CASR: variants seen among roughly 807,000 people sequenced by gnomAD.
CASR encodes the protein calcium sensing receptor, also known as extracellular calcium-sensing receptor.
Under a neutral mutation model 69.1 loss-of-function variants are expected in CASR, and 23 were observed. The ratio of observed to expected loss-of-function variants is 0.33; its 90% confidence interval spans 0.24 to 0.47. CASR has a LOEUF of 0.47. Ranked by LOEUF, CASR falls within the 20% of genes least tolerant of loss-of-function variation. CASR has a pLI of 1.00. For missense variants in CASR, 924 were observed against 1,356.1 expected (o/e 0.68, Z 5.00); for synonymous variants, 541 against 544.7 (o/e 0.99, Z 0.10).
chr3:122,221,409 A>G (rs1292970446), intron 1 of CASR, among the ~76,000 whole-genome samples: 1 of 152,150 alleles, frequency 6.6e-6, no homozygotes, highest in African/African-American at 2.4e-5. Context: ...CCCATAGCAC[A>G]CCTTCACCTA....
intron 1 of CASR, among the ~76,000 whole-genome samples, chr3:122,196,512 TG>T (rs2073892658): frequency 6.6e-6 from 1 of 152,004 alleles, no homozygotes; most frequent in African/African-American, 2.4e-5. Context: ...TTTTGGTTTT[TG>T]GGGTTTTTTG....
chr3:122,192,850 T>G (rs927435473), intron 1 of CASR, among the ~76,000 whole-genome samples: 4 of 152,208 alleles, frequency 2.6e-5, no homozygotes, highest in Admixed American at 6.5e-5. Flanking sequence ...TCACCTCTTT[T>G]CTCTGCTCTT....
At position 122,291,345 on chromosome 3, in the gene CASR, A is replaced by G. The variant is rs988782680; in HGVS notation, c.*6154A>G. ...GGTTGAACTAGTTTACAGTCCCACCAACAGTGTAAAAGTGTTCCTATTTCT... is the reference window on the plus strand; with the variant it reads ...GGTTGAACTAGTTTACAGTCCCACCGACAGTGTAAAAGTGTTCCTATTTCT... On this transcript the variant is annotated 3_prime_UTR_variant, in exon 7 of 7. Coordinates refer to ENST00000639785, the MANE Select transcript of CASR (RefSeq NM_000388.4). The G allele has an allele frequency of 4.6e-5, 7 of 151,424 alleles. No individual in the cohort carries two copies. The highest frequency in any genetic ancestry group is 7.4e-5 in the Non-Finnish European group (5 of 67,824). 9.4% of individuals were successfully genotyped at this position (151,424 alleles called of 1,614,324 possible).
intron 1 of CASR, among the ~76,000 whole-genome samples, chr3:122,231,661 A>G (rs1559946445): frequency 6.6e-6 from 1 of 151,998 alleles, no homozygotes; most frequent in Non-Finnish European, 1.5e-5. Context: ...AAACATCTGA[A>G]TTGGAAGAAA....
At chr3:122,272,355 C>A (rs893935737) in intron 4 of CASR, among the ~76,000 whole-genome samples, 1 of 152,088 alleles carries the variant, frequency 6.6e-6, no homozygotes, top group Non-Finnish European at 1.5e-5. Flanking sequence ...TTCTGTATTT[C>A]CCCTTGTTCT....
chr3:122,229,656 G>A (rs1322403239), intron 1 of CASR, among the ~76,000 whole-genome samples: 2 of 152,220 alleles, frequency 1.3e-5, no homozygotes, highest in East Asian at 1.9e-4. Flanking sequence ...GAAGCCAGAA[G>A]TTCGAGACCA....
At chr3:122,191,136 T>C (rs2073835465) in intron 1 of CASR, among the ~76,000 whole-genome samples, 1 of 152,170 alleles carries the variant, frequency 6.6e-6, no homozygotes. Context: ...AAGTTAAAAC[T>C]TAAAGTTGCA....
At chr3:122,201,990 A>G (rs2073958794) in intron 1 of CASR, among the ~76,000 whole-genome samples, 1 of 152,076 alleles carries the variant, frequency 6.6e-6, no homozygotes, top group Non-Finnish European at 1.5e-5. Context: ...AGCCAGGCAG[A>G]GACGCTCCTC....
chr3:122,289,522 T>C lies in CASR; in HGVS notation c.*4331T>C, dbSNP rs1245385057. 6.6e-6 allele frequency: 1 copy of C among 152,318 alleles called. No homozygotes were observed. The highest frequency in any genetic ancestry group is 2.4e-5 in the African/African-American group (1 of 41,410). The allele number at this position is 152,318 out of a possible 1,614,324, so 9.4% of individuals were successfully genotyped here. The stretch of plus-strand genomic sequence containing the variant: ...CATTCCAAGGATCCAAAGAAGAACC[T>C]TAGCCTTGAGAGGAAAAGCTCAGCA... On this transcript the variant is annotated 3_prime_UTR_variant, in exon 7 of 7. Transcript: ENST00000639785.
chr3:122,263,078 C>G (rs910044994), intron 4 of CASR, among the ~76,000 whole-genome samples: 4 of 152,214 alleles, frequency 2.6e-5, no homozygotes, highest in African/African-American at 9.7e-5. Context: ...GGAGAGACAT[C>G]ATAATCTTTT....
At chr3:122,232,456 G>A (rs1458083983) in intron 1 of CASR, among the ~76,000 whole-genome samples, 1 of 152,184 alleles carries the variant, frequency 6.6e-6, no homozygotes, top group African/African-American at 2.4e-5. Flanking sequence ...TTAAGCAAGA[G>A]GCACAGGTCA....
intron 1 of CASR, among the ~76,000 whole-genome samples, chr3:122,197,316 A>G (rs1045088768): frequency 3.9e-5 from 6 of 152,280 alleles, no homozygotes; most frequent in Admixed American, 3.9e-4. Flanking sequence ...AAGCAAGCTA[A>G]CTAACTAAAT....
chr3:122,246,654 T>A (rs2074430488), intron 1 of CASR: 1 of 152,206 alleles, frequency 6.6e-6, no homozygotes, highest in Admixed American at 6.5e-5. Context: ...AATATTCAGA[T>A]TTTTTACAAA....
intron 1 of CASR, among the ~76,000 whole-genome samples, chr3:122,242,643 A>G (rs939619789): frequency 1.3e-5 from 2 of 152,186 alleles, no homozygotes; most frequent in Non-Finnish European, 2.9e-5. Flanking sequence ...CAAAATACCA[A>G]TAACATTCTT....
intron 1 of CASR, among the ~76,000 whole-genome samples, chr3:122,186,887 G>A (rs1559931150): frequency 6.6e-6 from 1 of 152,348 alleles, no homozygotes; most frequent in Middle Eastern, 3.4e-3. Flanking sequence ...TGTACTACAT[G>A]AGCACATGTG....
rs1056530086 is a variant in CASR, at chr3:122,280,744, C to T, written c.1609-1369C>T. 1.2e-4 allele frequency among the ~76,000 whole-genome samples: 18 copies of T among 152,242 alleles called. 1 individual carries two copies. Among genetic ancestry groups the T allele is most frequent in the Non-Finnish European group, 2.2e-4 (15 of 68,014 alleles). On this transcript the variant is annotated intron_variant, in intron 5 of 6. Coordinates refer to ENST00000639785, the MANE Select transcript of CASR (RefSeq NM_000388.4). ...AGCCAGTCATTTCTGCTAGAAACAA[C>T]GACAGCTACTTTACTGCTTTCTGTG...
At chr3:122,183,903 G>A (rs1291961585) in intron 1 of CASR, 91 bp downstream of exon 1, 1 of 152,278 alleles carries the variant, frequency 6.6e-6, no homozygotes, top group Non-Finnish European at 1.5e-5. Flanking sequence ...CCTCGGCACA[G>A]AGAACGTTGG....
At chr3:122,245,823 C>T (rs926397667) in intron 1 of CASR, among the ~76,000 whole-genome samples, 1 of 152,102 alleles carries the variant, frequency 6.6e-6, no homozygotes, top group Admixed American at 6.5e-5. Context: ...CAATTTTGTG[C>T]ACCTGCGGTC....
At chr3:122,264,501 C>T (rs959576045) in intron 4 of CASR, among the ~76,000 whole-genome samples, 1 of 152,094 alleles carries the variant, frequency 6.6e-6, no homozygotes, top group Non-Finnish European at 1.5e-5. Context: ...GATGCCATTA[C>T]CAAAAGGAGG....
Sources: gnomAD v4.1 joint callset for allele counts (sites outside exome capture counted in the v4.1 genomes callset) on GRCh38, gnomAD v4.1.1 for gene constraint, MANE v1.5 for transcripts, NCBI Gene and HGNC (gene_info 2026-07-23, HGNC 2026-07-21) for gene names.